ACYP2: variants seen among roughly 807,000 people sequenced by gnomAD.
ACYP2 encodes acylphosphatase-2.
A neutral mutation model predicts 11.2 loss-of-function variants in ACYP2; 12 were observed. That is an observed-to-expected ratio of 1.08 (90% confidence interval 0.69 to 1.74). ACYP2 has a LOEUF of 1.74. ACYP2 is among the 40% of genes most tolerant of loss of function. The probability of loss-of-function intolerance (pLI) is 0.00; values close to 1 mark genes in which losing one functional copy is unlikely to be tolerated. For missense variants in ACYP2, 134 were observed against 101.9 expected (o/e 1.31, Z -1.35); for synonymous variants, 43 against 32.2 (o/e 1.33, Z -1.13).
At chr2:54,035,492 C>G (rs1674846931) in intron 2 of ACYP2, among the ~76,000 whole-genome samples, 1 of 152,024 alleles carries the variant, frequency 6.6e-6, no homozygotes, top group South Asian at 2.1e-4. Context: ...GTCTCGATCT[C>G]CTAACCTTGT....
intron 2 of ACYP2, among the ~76,000 whole-genome samples, chr2:54,008,776 G>T (rs989373753): frequency 7.2e-5 from 11 of 152,112 alleles, no homozygotes; most frequent in Non-Finnish European, 4.4e-5. Context: ...TGGGATGACG[G>T]AAGAGTACAG....
At chr2:54,151,322 A>C (rs917933783) in intron 6 of ACYP2, among the ~76,000 whole-genome samples, 1 of 152,202 alleles carries the variant, frequency 6.6e-6, no homozygotes, top group South Asian at 2.1e-4. Flanking sequence ...AAGTTATTTA[A>C]TATTTTCAAA....
intron 6 of ACYP2, among the ~76,000 whole-genome samples, chr2:54,173,841 A>G (rs1364577659): frequency 1.3e-5 from 2 of 151,974 alleles, no homozygotes; most frequent in African/African-American, 4.8e-5. Flanking sequence ...CAAAGATCAG[A>G]TGGTTGTAGG....
At chr2:54,207,579 A>C (rs1685134533) in intron 6 of ACYP2, among the ~76,000 whole-genome samples, 1 of 152,216 alleles carries the variant, frequency 6.6e-6, no homozygotes, top group Admixed American at 6.5e-5. Context: ...TTGACACATA[A>C]AATGTAACAT....
chr2:54,160,255 C>T (rs1682652070), intron 6 of ACYP2, among the ~76,000 whole-genome samples: 1 of 152,172 alleles, frequency 6.6e-6, no homozygotes, highest in African/African-American at 2.4e-5. Flanking sequence ...GCTTCAAGTG[C>T]ACCCACACTC....
intron 6 of ACYP2, among the ~76,000 whole-genome samples, chr2:54,202,774 G>A (rs1051210303): frequency 1.8e-5 from 2 of 112,602 alleles, no homozygotes; most frequent in Middle Eastern, 0.01. Context: ...TGTTGCCCAC[G>A]CTGGCCTTGA....
At chr2:54,021,779 A>G (rs563360841) in intron 2 of ACYP2, among the ~76,000 whole-genome samples, 6 of 152,324 alleles carry the variant, frequency 3.9e-5, no homozygotes, top group Admixed American at 2.6e-4. Flanking sequence ...GGAGTACAAA[A>G]GAAGTTATAT....
intron 6 of ACYP2, among the ~76,000 whole-genome samples, chr2:54,246,517 T>C (rs558501253): frequency 6.7e-6 from 1 of 148,482 alleles, no homozygotes; most frequent in South Asian, 2.1e-4. Flanking sequence ...TTCCCCCATT[T>C]CATCTTCCAA....
At chr2:54,101,393 G>C (rs761281836) in intron 4 of ACYP2, among the ~76,000 whole-genome samples, 2 of 151,888 alleles carry the variant, frequency 1.3e-5, no homozygotes, top group Non-Finnish European at 2.9e-5. Context: ...GCCAGGGGCC[G>C]GGCGCGGTGG....
intron 2 of ACYP2, among the ~76,000 whole-genome samples, chr2:54,001,548 C>A (rs1277828460): frequency 2.6e-5 from 4 of 152,078 alleles, no homozygotes; most frequent in African/African-American, 9.7e-5. Flanking sequence ...TGCATGCCAC[C>A]AAGCCCAGCT....
intron 6 of ACYP2, among the ~76,000 whole-genome samples, chr2:54,241,719 T>C (rs919124198): frequency 2.6e-5 from 4 of 152,110 alleles, no homozygotes; most frequent in African/African-American, 7.2e-5. Flanking sequence ...AGTATGAAAA[T>C]ATTTCAGCTG....
At chr2:54,280,925 A>G (rs1688822001) in intron 6 of ACYP2, among the ~76,000 whole-genome samples, 2 of 152,312 alleles carry the variant, frequency 1.3e-5, no homozygotes, top group South Asian at 4.2e-4. Context: ...AAGAGAATCT[A>G]CCAGGTGTCA....
At chr2:54,070,162 C>G (rs1676958505) in intron 4 of ACYP2, among the ~76,000 whole-genome samples, 1 of 150,694 alleles carries the variant, frequency 6.6e-6, no homozygotes, top group Non-Finnish European at 1.5e-5. Context: ...CCCAGCTATT[C>G]AGGAGGCTGA....
chr2:54,130,411 G>T (rs992484556), intron 4 of ACYP2, among the ~76,000 whole-genome samples: 1 of 152,154 alleles, frequency 6.6e-6, no homozygotes, highest in Admixed American at 6.6e-5. Flanking sequence ...GAATTAGGGG[G>T]CTGTGGCAAC....
intron 4 of ACYP2, chr2:54,115,638 C>A: frequency 1.3e-6 from 2 of 1,580,366 alleles, no homozygotes; most frequent in South Asian, 2.3e-5. Flanking sequence ...CTCTCGCAGC[C>A]GCCGCAGTCG....
In ACYP2 at chr2:54,138,575, A is replaced by G. The variant is rs1681404497; in HGVS notation, c.295-64A>G. The G allele has an allele frequency of 3.9e-6, 5 of 1,294,560 alleles. No individual in the cohort carries two copies. The East Asian group carries it at 1.2e-4, about 31-fold the overall frequency. The allele number at this position is 1,294,560 out of a possible 1,614,324, so 80.2% of individuals were successfully genotyped here. A position where few individuals can be genotyped will look rare whatever the true frequency, so the allele number is the denominator to read the frequency against. ...TTAGCATTTTTTGGATATTAGAATC[A>G]AGTATGTTATGAACTCAGACTTTTG... On this transcript the variant is annotated intron_variant, in intron 5 of 6. Coordinates refer to ENST00000607452, the MANE Select transcript of ACYP2 (RefSeq NM_001320586.2).
chr2:54,242,884 T>A (rs1686790335), intron 6 of ACYP2, among the ~76,000 whole-genome samples: 1 of 152,252 alleles, frequency 6.6e-6, no homozygotes, highest in Non-Finnish European at 1.5e-5. Context: ...TTTCTCAGAA[T>A]GTATCCCAGT....
At chr2:54,265,350 T>G (rs547647866) in intron 6 of ACYP2, among the ~76,000 whole-genome samples, 2 of 152,134 alleles carry the variant, frequency 1.3e-5, no homozygotes, top group African/African-American at 2.4e-5. Context: ...TCAGATCTTA[T>G]GAGACTTATT....
chr2:54,136,294 G>T (rs1681227792), intron 5 of ACYP2, among the ~76,000 whole-genome samples: 1 of 151,976 alleles, frequency 6.6e-6, no homozygotes, highest in Non-Finnish European at 1.5e-5. Flanking sequence ...ACCTGCCTTG[G>T]CCTCCCAAAA....
Sources: allele counts gnomAD v4.1 joint callset (sites outside exome capture counted in the v4.1 genomes callset), GRCh38; gene constraint gnomAD v4.1.1; transcripts MANE v1.5; gene names NCBI Gene and HGNC (gene_info 2026-07-23, HGNC 2026-07-21).